Variants in GALNTL6 observed in about 807,000 individuals in gnomAD.
GALNTL6 encodes polypeptide N-acetylgalactosaminyltransferase-like 6.
Under a neutral mutation model 73.7 loss-of-function variants are expected in GALNTL6, and 46 were observed. The observed-to-expected ratio is 0.62, with a 90% CI of 0.49 to 0.80. The LOEUF (loss-of-function observed/expected upper bound fraction) is 0.80, where lower values mean the gene tolerates loss of function less well. Ranked by LOEUF, GALNTL6 falls within the 30% of genes least tolerant of loss-of-function variation. The pLI is 0.00. For synonymous variants in GALNTL6, 259 were observed against 263.7 expected (o/e 0.98, Z 0.17); for missense variants, 604 against 755.0 (o/e 0.80, Z 2.34).
chr4:172,321,194 T>C (rs1463244498), intron 4 of GALNTL6, among the ~76,000 whole-genome samples: 2 of 152,132 alleles, frequency 1.3e-5, no homozygotes, highest in African/African-American at 4.8e-5. Context: ...TATCTGCAGT[T>C]TTAGGCATCT....
intron 2 of GALNTL6, among the ~76,000 whole-genome samples, chr4:172,214,167 C>G (rs1736419386): frequency 6.6e-6 from 1 of 152,100 alleles, no homozygotes; most frequent in South Asian, 2.1e-4. Context: ...TGTGTCTATT[C>G]TTGTGACAAT....
chr4:172,556,754 AAAAAG>A (rs1226449327), intron 5 of GALNTL6, among the ~76,000 whole-genome samples: 1 of 151,842 alleles, frequency 6.6e-6, no homozygotes, highest in Non-Finnish European at 1.5e-5. Context: ...CAAAAAAAAA[AAAAAG>A]AAGAACAAAG....
Position 172,396,354 on chromosome 4 carries a change from G to A in GALNTL6, c.553+47665G>A, listed in dbSNP as rs769162985. On this transcript the variant is annotated intron_variant, in intron 5 of 12. Transcript: ENST00000506823. ...TTAAGTCTAAGCCTTTATATTCTAC[G>A]TGTTTTGATTTACCATAGTCCTCAC... 6.6e-5 allele frequency among the ~76,000 whole-genome samples: 9 copies of A among 136,994 alleles called. 1 individual carries two copies. The highest frequency in any genetic ancestry group is 2.1e-4 in the East Asian group (1 of 4,728). 89.9% of individuals were successfully genotyped at this position (136,994 alleles called of 152,430 possible). A position where few individuals can be genotyped will look rare whatever the true frequency, so the allele number is the denominator to read the frequency against.
chr4:172,242,589 C>G (rs1737482319), intron 3 of GALNTL6, among the ~76,000 whole-genome samples: 1 of 152,170 alleles, frequency 6.6e-6, no homozygotes, highest in African/African-American at 2.4e-5. Flanking sequence ...ATGTATTCCA[C>G]TATAAGCCTC....
chr4:172,053,476 G>A (rs187200157), intron 2 of GALNTL6, among the ~76,000 whole-genome samples: 4 of 152,214 alleles, frequency 2.6e-5, no homozygotes, highest in Admixed American at 6.5e-5. Context: ...CTGTGGTGTT[G>A]GCATGAATAG....
At chr4:172,983,606 A>G (rs1751167927) in intron 10 of GALNTL6, among the ~76,000 whole-genome samples, 1 of 152,160 alleles carries the variant, frequency 6.6e-6, no homozygotes, top group Non-Finnish European at 1.5e-5. Context: ...GAGGCAGGAG[A>G]GTCACTTGAA....
intron 2 of GALNTL6, among the ~76,000 whole-genome samples, chr4:171,927,806 T>C (rs1738033768): frequency 6.6e-6 from 1 of 152,174 alleles, no homozygotes; most frequent in Admixed American, 6.6e-5. Flanking sequence ...CCCCTGCAGC[T>C]GATCTTTGCA....
At chr4:172,473,839 A>G (rs946116411) in intron 5 of GALNTL6, among the ~76,000 whole-genome samples, 18 of 152,086 alleles carry the variant, frequency 1.2e-4, no homozygotes, top group Non-Finnish European at 1.9e-4. Flanking sequence ...TCCATTCTCA[A>G]ATCCTCCGCT....
At chr4:171,890,710 C>A (rs532482853) in intron 2 of GALNTL6, among the ~76,000 whole-genome samples, 1 of 152,152 alleles carries the variant, frequency 6.6e-6, no homozygotes, top group Admixed American at 6.6e-5. Context: ...TTTATTATCA[C>A]CCTTGTATGT....
chr4:171,929,704 T>C (rs1216490896), intron 2 of GALNTL6, among the ~76,000 whole-genome samples: 2 of 152,202 alleles, frequency 1.3e-5, no homozygotes, highest in Non-Finnish European at 2.9e-5. Flanking sequence ...CCCCATGCCC[T>C]GGCTGCCCTG....
intron 5 of GALNTL6, among the ~76,000 whole-genome samples, chr4:172,753,139 C>G (rs529967945): frequency 1.3e-3 from 203 of 152,210 alleles, no homozygotes; most frequent in Middle Eastern, 0.01. Context: ...GGCAGTTTCC[C>G]CCATACTGTT....
intron 5 of GALNTL6, among the ~76,000 whole-genome samples, chr4:172,655,265 T>C (rs1730919517): frequency 6.6e-6 from 1 of 152,210 alleles, no homozygotes; most frequent in South Asian, 2.1e-4. Flanking sequence ...TGTTGTTGTG[T>C]GTGTGCCTTT....
rs183240619 is a variant in GALNTL6, at chr4:172,224,723, G to T, written c.139-4933G>T. Among the ~76,000 whole-genome samples, 7 of 152,212 alleles carry T rather than the reference G, an allele frequency of 4.6e-5. No individual in the cohort carries two copies. In the East Asian group the frequency reaches 1.2e-3, roughly 25 times the overall value. The stretch of plus-strand genomic sequence containing the variant: ...AGTACACTCTGGTTTCCATGTCCCT[G>T]TGAAGACTGTGTATCACATTTCTGT... On this transcript the variant is annotated intron_variant, in intron 2 of 12. Coordinates refer to ENST00000506823, the MANE Select transcript of GALNTL6 (RefSeq NM_001034845.3).
At chr4:172,587,814 C>CTG (rs1025511397) in intron 5 of GALNTL6, among the ~76,000 whole-genome samples, 8 of 152,016 alleles carry the variant, frequency 5.3e-5, no homozygotes, top group African/African-American at 7.2e-5. Flanking sequence ...GTGTGTGTGT[C>CTG]TGTGTGTGTG....
At chr4:172,196,157 T>A (rs1020749242) in intron 2 of GALNTL6, among the ~76,000 whole-genome samples, 1 of 151,402 alleles carries the variant, frequency 6.6e-6, no homozygotes, top group Non-Finnish European at 1.5e-5. Context: ...ATACAGAGAA[T>A]ACTATAAACA....
intron 5 of GALNTL6, among the ~76,000 whole-genome samples, chr4:172,461,159 T>A (rs1276785413): frequency 6.6e-6 from 1 of 151,314 alleles, no homozygotes; most frequent in East Asian, 1.9e-4. Context: ...TAAATGGGAG[T>A]TGAACAATGA....
chr4:172,043,408 C>T (rs925814856), intron 2 of GALNTL6, among the ~76,000 whole-genome samples: 4 of 151,970 alleles, frequency 2.6e-5, no homozygotes, highest in African/African-American at 9.7e-5. Context: ...ATGATACAAG[C>T]TTCAATATTG....
At chr4:172,599,784 G>C (rs4695877) in intron 5 of GALNTL6, among the ~76,000 whole-genome samples, 97,447 of 151,812 alleles carry the variant, frequency 0.64, 32,188 homozygotes, top group East Asian at 0.99. Flanking sequence ...AAAGTAAGGG[G>C]AAAACCTTCA....
In GALNTL6 at chr4:172,436,468, C is replaced by G. The variant is rs191571078; in HGVS notation, c.553+87779C>G. On this transcript the variant is annotated intron_variant, in intron 5 of 12. Coordinates refer to ENST00000506823, the MANE Select transcript of GALNTL6 (RefSeq NM_001034845.3). ...CTGGGGGAGAGAAACAGGTAAGTCC[C>G]GACATCCTACTTCAGCCACAGCAAC... Among the ~76,000 whole-genome samples the G allele has an allele frequency of 3.8e-3, 573 of 152,134 alleles. 4 individuals carry two copies. Among genetic ancestry groups the G allele is most frequent in the Non-Finnish European group, 5.8e-3 (395 of 68,006 alleles).
Sources: allele counts gnomAD v4.1 joint callset (sites outside exome capture counted in the v4.1 genomes callset), GRCh38; gene constraint gnomAD v4.1.1; transcripts MANE v1.5; gene names NCBI Gene and HGNC (gene_info 2026-07-23, HGNC 2026-07-21).